GOLGB1: variants seen among roughly 807,000 people sequenced by gnomAD.
GOLGB1 encodes the protein golgin B1, also known as golgin subfamily B member 1.
A neutral mutation model predicts 336.9 loss-of-function variants in GOLGB1; 174 were observed. The observed-to-expected ratio is 0.52, with a 90% CI of 0.46 to 0.59. The LOEUF (loss-of-function observed/expected upper bound fraction) is 0.59. GOLGB1 is among the 20% of genes least tolerant of loss of function. The pLI is 0.00. For synonymous variants in GOLGB1, 1,208 were observed against 1,289.2 expected (o/e 0.94, Z 1.35); for missense variants, 3,331 against 3,645.3 (o/e 0.91, Z 2.22).
intron 17 of GOLGB1, among the ~76,000 whole-genome samples, chr3:121,671,430 C>A (rs1347683435): frequency 1.3e-5 from 2 of 152,148 alleles, no homozygotes; most frequent in African/African-American, 2.4e-5. Context: ...AATTCGAGGA[C>A]GCTCAAATTC....
chr3:121,677,454 GA>G lies in GOLGB1; in HGVS notation c.8874-5del. 1 of 1,598,538 alleles carries G rather than the reference GA, an allele frequency of 6.3e-7. No homozygotes were observed. The highest frequency in any genetic ancestry group is 8.6e-7 in the Non-Finnish European group (1 of 1,166,702). On this transcript the variant is annotated splice_region_variant and splice_polypyrimidine_tract_variant and intron_variant, in intron 15 of 21. Transcript: ENST00000614479. Reference sequence around the variant, plus strand: ...TTCCCAGGAACTCTTCTCCATCCTAGAAAAAACATGACACAATCACAGGTAA... The same window carrying G: ...TTCCCAGGAACTCTTCTCCATCCTAGAAAAACATGACACAATCACAGGTAA...
In GOLGB1 at chr3:121,718,386, A is replaced by G. The variant is rs1293864333; in HGVS notation, c.885+2T>C. ...CAGGAAGTAAAGATTAAAAGGCAGT[A>G]CCTGGTTTCTCTGCTCAGCAGCAGT... is the stretch of plus-strand genomic sequence containing the variant. On this transcript the variant is annotated splice_donor_variant, in intron 8 of 21. Coordinates refer to ENST00000614479, the MANE Select transcript of GOLGB1 (RefSeq NM_001366282.2). LOFTEE classifies it high-confidence loss of function. 4 of 1,589,022 alleles carry G rather than the reference A, an allele frequency of 2.5e-6. No individual in the cohort carries two copies. The East Asian group carries it at 8.9e-5, about 36-fold the overall frequency.
intron 5 of GOLGB1, among the ~76,000 whole-genome samples, chr3:121,724,070 T>C (rs1382728049): frequency 6.6e-6 from 1 of 152,108 alleles, no homozygotes; most frequent in African/African-American, 2.4e-5. Context: ...AAAAGGAAAA[T>C]TGGTATTGAC....
Position 121,667,337 on chromosome 3 carries a change from C to T in GOLGB1, c.9554+139G>A, listed in dbSNP as rs1049957300. The T allele has an allele frequency of 3.0e-5, 25 of 829,036 alleles. 1 individual carries two copies. In the South Asian group the frequency reaches 4.5e-4, roughly 15 times the overall value. The allele number at this position is 829,036 out of a possible 1,614,324, so 51.4% of individuals were successfully genotyped here. ...AGTACAGTGTTCTCTTGGGTGACCA[C>T]AATGTTGGTAAACTCATTGCAGCAA... is the stretch of plus-strand genomic sequence containing the variant. On this transcript the variant is annotated intron_variant, in intron 20 of 21. Transcript: ENST00000614479.
intron 14 of GOLGB1, among the ~76,000 whole-genome samples, chr3:121,686,907 T>C (rs1193005838): frequency 6.6e-6 from 1 of 151,960 alleles, no homozygotes; most frequent in Non-Finnish European, 1.5e-5. Flanking sequence ...GCATACTGAG[T>C]AGATCAGTTT....
intron 1 of GOLGB1, chr3:121,748,930 C>T (rs749040311): frequency 1.2e-5 from 12 of 984,898 alleles, no homozygotes; most frequent in Non-Finnish European, 1.4e-5. Flanking sequence ...GCAGATTAAA[C>T]ATACTCCACA....
intron 20 of GOLGB1, 81 bp downstream of exon 20, chr3:121,667,395 T>C: frequency 7.0e-7 from 1 of 1,421,598 alleles, no homozygotes; most frequent in Non-Finnish European, 9.6e-7. Flanking sequence ...TCTTAAGAAA[T>C]CCTAAGTCTG....
chr3:121,669,846 G>A (rs1376539677), intron 17 of GOLGB1, among the ~76,000 whole-genome samples: 1 of 152,136 alleles, frequency 6.6e-6, no homozygotes, highest in African/African-American at 2.4e-5. Context: ...TGAGAGAATA[G>A]AATAAAAAAT....
In GOLGB1 at chr3:121,698,312, A is replaced by G. The variant is rs35093512; in HGVS notation, c.2211T>C (p.Ala737=). Reference sequence around the variant, plus strand: ...CAGTGAATGCACTGCTGTTGTTGTCAGCATTTTTCTTAAACTCCTCAATCA... The same window carrying G: ...CAGTGAATGCACTGCTGTTGTTGTCGGCATTTTTCTTAAACTCCTCAATCA... ...NQLIEEFKKN[A]DNNSSAFTAL... The change falls in exon 13 of 22, where the codon GCT becomes GCC. Residue 737 remains alanine (A), a synonymous_variant. Transcript: ENST00000614479. The G allele has an allele frequency of 2.2e-3, 3,597 of 1,614,010 alleles. 76 individuals are homozygous for G. In the African/African-American group the frequency reaches 0.04, roughly 18 times the overall value.
chr3:121,743,423 T>C (rs994792007), intron 1 of GOLGB1, among the ~76,000 whole-genome samples: 3 of 152,050 alleles, frequency 2.0e-5, no homozygotes, highest in African/African-American at 7.2e-5. Context: ...ATGAGAACAC[T>C]TGGACACAGG....
rs1300838065 is a variant in GOLGB1, at chr3:121,717,226, A to G, written c.886-87T>C. ...TAAAGTGCTTTTTCTTATAGGATGG[A>G]AAAAAATGGGAACATGTTTCTATGC... On this transcript the variant is annotated intron_variant, in intron 8 of 21. Coordinates refer to ENST00000614479, the MANE Select transcript of GOLGB1 (RefSeq NM_001366282.2). 4.0e-6 allele frequency: 4 copies of G among 999,990 alleles called. No homozygotes were observed. In the East Asian group the frequency reaches 1.0e-4, roughly 25 times the overall value. The allele number at this position is 999,990 out of a possible 1,614,324, so 61.9% of individuals were successfully genotyped here. A position where few individuals can be genotyped will look rare whatever the true frequency, so the allele number is the denominator to read the frequency against.
Position 121,698,631 on chromosome 3 carries a change from G to C in GOLGB1, c.1892C>G (p.Pro631Arg). Reference sequence around the variant, plus strand: ...TGCTGGAAGACTGCTCTCTTCATTTGGCATTAAGGGAAAATCTTGCCCTGT... The same window carrying C: ...TGCTGGAAGACTGCTCTCTTCATTTCGCATTAAGGGAAAATCTTGCCCTGT... The part of the protein sequence containing the change: ...EDTGQDFPLM[P>R]NEESSLPAVE... The change falls in exon 13 of 22, where the codon CCA becomes CGA. Residue 631 changes from proline to arginine, a missense_variant. Physicochemically the swap from Pro to Arg is moderately radical, Grantham distance 103 (BLOSUM62 -2). Coordinates refer to ENST00000614479, the MANE Select transcript of GOLGB1 (RefSeq NM_001366282.2). 6.2e-7 allele frequency: 1 copy of C among 1,613,504 alleles called. No individual in the cohort carries two copies. The highest frequency in any genetic ancestry group is 8.5e-7 in the Non-Finnish European group (1 of 1,179,594).
chr3:121,675,930 A>G (rs1940314447), intron 17 of GOLGB1, among the ~76,000 whole-genome samples: 1 of 152,174 alleles, frequency 6.6e-6, no homozygotes, highest in Non-Finnish European at 1.5e-5. Flanking sequence ...TGACGGAAAA[A>G]AGAGACAGGC....
At chr3:121,721,326 C>T (rs1391009654) in intron 6 of GOLGB1, among the ~76,000 whole-genome samples, 1 of 151,890 alleles carries the variant, frequency 6.6e-6, no homozygotes, top group African/African-American at 2.4e-5. Flanking sequence ...CATAAGCATT[C>T]CCCCACCGCT....
chr3:121,741,448 A>G (rs1199836817), intron 1 of GOLGB1, among the ~76,000 whole-genome samples: 3 of 152,232 alleles, frequency 2.0e-5, no homozygotes, highest in African/African-American at 4.8e-5. Flanking sequence ...ACAGTTTTCA[A>G]TAATTAAAAG....
At chr3:121,688,182 C>T (rs1941961402) in intron 14 of GOLGB1, among the ~76,000 whole-genome samples, 1 of 152,140 alleles carries the variant, frequency 6.6e-6, no homozygotes, top group Admixed American at 6.5e-5. Context: ...CTCCCTCTCT[C>T]TCTCCCCATG....
chr3:121,726,849 A>G, intron 5 of GOLGB1, 64 bp downstream of exon 5: 1 of 1,232,020 alleles, frequency 8.1e-7, no homozygotes, highest in East Asian at 2.6e-5. Context: ...TATTTGTCAC[A>G]TAATAATCCA....
intron 9 of GOLGB1, among the ~76,000 whole-genome samples, chr3:121,715,908 C>T (rs1409752756): frequency 6.6e-6 from 1 of 151,666 alleles, no homozygotes; most frequent in East Asian, 1.9e-4. Flanking sequence ...AGGAGAATCA[C>T]TTGAACCCAG....
intron 15 of GOLGB1, among the ~76,000 whole-genome samples, chr3:121,678,405 T>C (rs531434586): frequency 6.6e-6 from 1 of 152,348 alleles, no homozygotes; most frequent in Non-Finnish European, 1.5e-5. Context: ...GTCATTCTAA[T>C]GGCCCCTTGT....
Sources: allele counts gnomAD v4.1 joint callset (sites outside exome capture counted in the v4.1 genomes callset), GRCh38; gene constraint gnomAD v4.1.1; transcripts MANE v1.5; gene names NCBI Gene and HGNC (gene_info 2026-07-23, HGNC 2026-07-21).